Variants in TEX10 observed in about 807,000 individuals in gnomAD.
The protein encoded by TEX10 is testis-expressed protein 10.
TEX10 carries 24 observed loss-of-function variants against 104.4 expected under a neutral mutation model. The observed-to-expected ratio is 0.23, with a 90% CI of 0.17 to 0.32. TEX10 has a LOEUF of 0.32. Among genes scored for constraint, TEX10 ranks in the 10% least tolerant of loss-of-function variants. The pLI, the probability that TEX10 is intolerant of heterozygous loss-of-function variation, is 1.00. For missense variants in TEX10, 921 were observed against 1,083.9 expected, an observed-to-expected ratio of 0.85 and a Z score of 2.11; for synonymous variants, 396 against 393.4, an observed-to-expected ratio of 1.01 and a Z score of -0.08.
chr9:100,307,416 T>A (rs988914217), intron 13 of TEX10: 1 of 152,172 alleles, frequency 6.6e-6, no homozygotes, highest in Non-Finnish European at 1.5e-5. Context: ...TAACTAACCC[T>A]TTATAGAAAG....
intron 4 of TEX10, among the ~76,000 whole-genome samples, chr9:100,342,474 T>C (rs552605987): frequency 7.9e-5 from 12 of 152,364 alleles, no homozygotes; most frequent in African/African-American, 2.9e-4. Flanking sequence ...TATATCTATC[T>C]GCACTGTCCA....
intron 14 of TEX10, 116 bp from the exon 15 acceptor site, chr9:100,302,420 G>A (rs1834011566): frequency 8.0e-6 from 5 of 624,372 alleles, no homozygotes; most frequent in African/African-American, 1.8e-5. Context: ...ATCCCCATCT[G>A]TAAATTACCA....
At chr9:100,328,723 T>C (rs1680513693) in intron 7 of TEX10, among the ~76,000 whole-genome samples, 1 of 152,226 alleles carries the variant, frequency 6.6e-6, no homozygotes, top group Admixed American at 6.5e-5. Context: ...GTCCACTCTT[T>C]TGTTGTCTCT....
At chr9:100,348,238 G>A (rs1344563440) in intron 2 of TEX10, among the ~76,000 whole-genome samples, 6 of 152,196 alleles carry the variant, frequency 3.9e-5, no homozygotes, top group Non-Finnish European at 5.9e-5. Flanking sequence ...AGATATCAGA[G>A]GTAGATTAGT....
rs1168267651 is a variant in TEX10 at position 100,327,762 on chromosome 9, T to C, written c.1801+25A>G. 4.6e-6 allele frequency: 7 copies of C among 1,527,780 alleles called. No individual in the cohort carries two copies. In the South Asian group the frequency reaches 5.3e-5, roughly 12 times the overall value. The allele number at this position is 1,527,780 out of a possible 1,614,324, so 94.6% of individuals were successfully genotyped here. A position where few individuals can be genotyped will look rare whatever the true frequency, so the allele number is the denominator to read the frequency against. ...ATCAGGGTGGATCAATGACTACCCA[T>C]ACCATTAAACAAATGAACTCTTACC... On this transcript the variant is annotated intron_variant, in intron 8 of 14. Transcript: ENST00000374902.
At chr9:100,326,873 T>C (rs926499283) in intron 8 of TEX10, among the ~76,000 whole-genome samples, 6 of 152,110 alleles carry the variant, frequency 3.9e-5, no homozygotes, top group African/African-American at 1.4e-4. Context: ...TACAGATATA[T>C]GACCAATATT....
In TEX10 at chr9:100,335,403, G is replaced by A. The variant is rs764661405; in HGVS notation, c.1250+4854C>T. Reference sequence around the variant, plus strand: ...ATTTTTGGTAGAGATGGGTTTCACCGTGTTAGCCAGGATGGTCTAGGTCTC... The same window carrying A: ...ATTTTTGGTAGAGATGGGTTTCACCATGTTAGCCAGGATGGTCTAGGTCTC... On this transcript the variant is annotated intron_variant, in intron 5 of 14. Coordinates refer to ENST00000374902, the MANE Select transcript of TEX10 (RefSeq NM_017746.4). Among the ~76,000 whole-genome samples the A allele has an allele frequency of 7.2e-5, 11 of 152,012 alleles. No individual in the cohort carries two copies. In the East Asian group the frequency reaches 9.7e-4, roughly 13 times the overall value.
At chr9:100,316,911 A>C (rs1834433986) in intron 11 of TEX10, among the ~76,000 whole-genome samples, 1 of 114,330 alleles carries the variant, frequency 8.7e-6, no homozygotes. Context: ...AAAAAAAAAA[A>C]AAAAACCTAG....
chr9:100,326,125 C>T, intron 9 of TEX10, among the ~76,000 whole-genome samples, 177 bp downstream of exon 9: 1 of 152,138 alleles, frequency 6.6e-6, no homozygotes, highest in African/African-American at 2.4e-5. Flanking sequence ...AAACAAGTAA[C>T]TTGAAACAGT....
intron 13 of TEX10, chr9:100,304,764 A>G (rs1834102984): frequency 6.6e-6 from 1 of 152,258 alleles, no homozygotes; most frequent in Admixed American, 6.5e-5. Flanking sequence ...AGGCTGAGGC[A>G]GGAGAATTGC....
chr9:100,347,181 G>A lies in TEX10; in HGVS notation c.406C>T (p.Pro136Ser). The A allele has an allele frequency of 6.2e-7, 1 of 1,614,034 alleles. No homozygotes were observed. Residue 136 changes from proline to serine, a missense_variant, in exon 3 of 15, where the codon CCA becomes TCA. By Grantham distance (74) the Pro-to-Ser change is moderately conservative (BLOSUM62 -1). Coordinates refer to ENST00000374902, the MANE Select transcript of TEX10 (RefSeq NM_017746.4). ...TGGGCACTTACCAAAGGAAAAAATG[G>A]AGAAATTTGTTCAGCTCGTATTTTG... is the stretch of plus-strand genomic sequence containing the variant. The part of the protein sequence containing the change: ...APKIRAEQIS[P>S]FFPLVSAHLS...
chr9:100,330,481 T>C (rs1208415528), intron 5 of TEX10, among the ~76,000 whole-genome samples: 5 of 152,208 alleles, frequency 3.3e-5, no homozygotes, highest in Admixed American at 6.5e-5. Flanking sequence ...TTAAAAACCC[T>C]GACACACCTG....
chr9:100,352,366 A>G lies in TEX10; in HGVS notation c.-10+406T>C. 3 of 1,550,790 alleles carry G rather than the reference A, an allele frequency of 1.9e-6. No individual in the cohort carries two copies. In the South Asian group the frequency reaches 3.6e-5, roughly 18 times the overall value. ...ACCAGAGGACGGAACAGGGGACGCCAGCTCATCCCCACTCCGTATTCGGTC... is the reference window on the plus strand; with the variant it reads ...ACCAGAGGACGGAACAGGGGACGCCGGCTCATCCCCACTCCGTATTCGGTC... On this transcript the variant is annotated intron_variant, in intron 1 of 14. Transcript: ENST00000374902.
intron 10 of TEX10, among the ~76,000 whole-genome samples, chr9:100,320,610 C>T (rs1385473854): frequency 6.6e-6 from 1 of 152,114 alleles, no homozygotes; most frequent in East Asian, 1.9e-4. Context: ...AAGATGTGAT[C>T]AGACCCAATC....
At chr9:100,350,333 GCT>G (rs1835409912) in intron 1 of TEX10, among the ~76,000 whole-genome samples, 1 of 152,052 alleles carries the variant, frequency 6.6e-6, no homozygotes, top group Non-Finnish European at 1.5e-5. Context: ...TTACGAAACA[GCT>G]CTCTCTGAAC....
chr9:100,352,496 ATT>A (rs891238027), intron 1 of TEX10: 7 of 1,551,030 alleles, frequency 4.5e-6, no homozygotes, highest in Non-Finnish European at 6.1e-6. Flanking sequence ...GTGGGGCCCG[ATT>A]CACACACTCC....
intron 11 of TEX10, among the ~76,000 whole-genome samples, chr9:100,312,325 C>G (rs1834301477): frequency 6.6e-6 from 1 of 151,990 alleles, no homozygotes; most frequent in Non-Finnish European, 1.5e-5. Context: ...GTAGACAGCC[C>G]GAAAGAACCA....
intron 1 of TEX10, chr9:100,352,397 T>A (rs1415651873): frequency 6.4e-7 from 1 of 1,551,620 alleles, no homozygotes; most frequent in Non-Finnish European, 8.7e-7. Flanking sequence ...CGGTCCTGCA[T>A]CCATCCCAGA....
At chr9:100,332,955 AG>A (rs1477214920) in intron 5 of TEX10, among the ~76,000 whole-genome samples, 1 of 152,126 alleles carries the variant, frequency 6.6e-6, no homozygotes, top group Non-Finnish European at 1.5e-5. Flanking sequence ...CCACAAGAAA[AG>A]AAAGTCAAAA....
Sources: gnomAD v4.1 joint callset for allele counts (sites outside exome capture counted in the v4.1 genomes callset) on GRCh38, gnomAD v4.1.1 for gene constraint, MANE v1.5 for transcripts, NCBI Gene and HGNC (gene_info 2026-07-23, HGNC 2026-07-21) for gene names.